ME3: variants seen among roughly 807,000 people sequenced by gnomAD.
ME3 encodes the protein NADP-dependent malic enzyme, mitochondrial.
A neutral mutation model predicts 68.9 loss-of-function variants in ME3; 48 were observed. The ratio of observed to expected loss-of-function variants is 0.70; its 90% CI spans 0.55 to 0.89. ME3 has a LOEUF of 0.89. ME3 is among the 40% of genes least tolerant of loss of function. The probability of loss-of-function intolerance (pLI) is 0.00; values close to 1 mark genes in which losing one functional copy is unlikely to be tolerated. For missense variants in ME3, 675 were observed against 797.4 expected, an observed-to-expected ratio of 0.85 and a Z score of 1.85; for synonymous variants, 320 against 318.8, an observed-to-expected ratio of 1.00 and a Z score of -0.04.
chr11:86,524,690 G>C (rs967310992), intron 4 of ME3, among the ~76,000 whole-genome samples: 1 of 152,154 alleles, frequency 6.6e-6, no homozygotes, highest in African/African-American at 2.4e-5. Context: ...ATGAAAGCTG[G>C]AATTTAATAA....
At chr11:86,464,987 A>G in intron 8 of ME3, 104 bp downstream of exon 8, 1 of 891,922 alleles carries the variant, frequency 1.1e-6, no homozygotes, top group Admixed American at 1.9e-5. Flanking sequence ...CTGGCAGCAA[A>G]CCAACTATGG....
intron 2 of ME3, among the ~76,000 whole-genome samples, chr11:86,618,968 C>T (rs1384741031): frequency 3.3e-5 from 5 of 152,164 alleles, no homozygotes; most frequent in East Asian, 1.9e-4. Flanking sequence ...CTTGGCCTCC[C>T]GAAGTGCTGG....
At chr11:86,582,907 AG>A (rs1958523722) in intron 2 of ME3, among the ~76,000 whole-genome samples, 3 of 151,832 alleles carry the variant, frequency 2.0e-5, no homozygotes, top group East Asian at 3.9e-4. Context: ...ATCCATGGTA[AG>A]GAAAAAAAAA....
intron 2 of ME3, among the ~76,000 whole-genome samples, chr11:86,602,636 C>T (rs995890575): frequency 2.0e-5 from 3 of 152,092 alleles, no homozygotes; most frequent in Non-Finnish European, 2.9e-5. Context: ...AAAAAGAGCC[C>T]GCATCAGTAA....
intron 2 of ME3, among the ~76,000 whole-genome samples, chr11:86,580,016 C>G (rs1351592992): frequency 1.3e-5 from 2 of 152,124 alleles, no homozygotes; most frequent in African/African-American, 4.8e-5. Flanking sequence ...TTTTCTTTGT[C>G]CCTTTCTGAG....
chr11:86,472,557 A>G (rs183326772), intron 7 of ME3, among the ~76,000 whole-genome samples: 32 of 152,294 alleles, frequency 2.1e-4, no homozygotes, highest in African/African-American at 7.2e-4. Context: ...TGGAGGAAAG[A>G]CAAAGTGTGG....
At chr11:86,573,138 C>T (rs956995145) in intron 2 of ME3, among the ~76,000 whole-genome samples, 1 of 152,070 alleles carries the variant, frequency 6.6e-6, no homozygotes, top group African/African-American at 2.4e-5. Flanking sequence ...TAGTTTTTCT[C>T]TTGTAATTTT....
At chr11:86,599,215 C>T (rs912390076) in intron 2 of ME3, among the ~76,000 whole-genome samples, 3 of 152,016 alleles carry the variant, frequency 2.0e-5, no homozygotes, top group African/African-American at 4.8e-5. Context: ...AAAATTTAGA[C>T]GAATGTATAA....
chr11:86,497,175 G>A (rs1157911355), intron 6 of ME3, among the ~76,000 whole-genome samples: 2 of 152,078 alleles, frequency 1.3e-5, no homozygotes, highest in African/African-American at 4.8e-5. Context: ...GTACAGATGG[G>A]ATTTCACCAT....
intron 7 of ME3, among the ~76,000 whole-genome samples, chr11:86,486,150 T>C (rs559933701): frequency 2.0e-5 from 3 of 152,326 alleles, no homozygotes; most frequent in Admixed American, 6.5e-5. Context: ...GTGGATGATT[T>C]TCTGTGCTCC....
intron 2 of ME3, among the ~76,000 whole-genome samples, chr11:86,627,255 G>A (rs1943721576): frequency 1.3e-5 from 2 of 152,202 alleles, no homozygotes; most frequent in Admixed American, 1.3e-4. Flanking sequence ...AAAATAGAGT[G>A]TGGCAAGGAT....
intron 2 of ME3, among the ~76,000 whole-genome samples, chr11:86,599,689 G>C (rs1485379835): frequency 1.3e-5 from 2 of 152,110 alleles, no homozygotes; most frequent in East Asian, 3.8e-4. Flanking sequence ...AAATGTTAAG[G>C]GCAGCCAGAG....
chr11:86,544,106 A>G (rs948719840), intron 4 of ME3, among the ~76,000 whole-genome samples: 5 of 152,188 alleles, frequency 3.3e-5, no homozygotes, highest in Non-Finnish European at 2.9e-5. Flanking sequence ...TTTGAAATCA[A>G]TGAGAACAAA....
chr11:86,642,192 A>T (rs962906351), intron 2 of ME3, among the ~76,000 whole-genome samples: 1 of 152,242 alleles, frequency 6.6e-6, no homozygotes, highest in African/African-American at 2.4e-5. Flanking sequence ...CATCTAGAAA[A>T]CATACTTTCT....
At chr11:86,599,979 A>C (rs902677131) in intron 2 of ME3, among the ~76,000 whole-genome samples, 5 of 152,250 alleles carry the variant, frequency 3.3e-5, no homozygotes, top group African/African-American at 1.2e-4. Flanking sequence ...AACTGGTACC[A>C]GCCACTGCAA....
intron 2 of ME3, among the ~76,000 whole-genome samples, chr11:86,607,467 T>C (rs1341333880): frequency 6.6e-6 from 1 of 151,024 alleles, no homozygotes; most frequent in East Asian, 1.9e-4. Context: ...TTTTTTTTTT[T>C]TTTTTTAAAC....
intron 2 of ME3, among the ~76,000 whole-genome samples, chr11:86,603,646 A>G (rs1174513349): frequency 2.6e-5 from 4 of 152,038 alleles, no homozygotes; most frequent in Non-Finnish European, 5.9e-5. Flanking sequence ...ACATGCATAC[A>G]TATGTTTATT....
At chr11:86,497,258 C>G (rs991091578) in intron 6 of ME3, among the ~76,000 whole-genome samples, 2 of 152,190 alleles carry the variant, frequency 1.3e-5, no homozygotes, top group African/African-American at 4.8e-5. Flanking sequence ...GTGCTGGGAA[C>G]ACAGGCGTGA....
At chr11:86,459,345 T>C (rs978215718) in intron 8 of ME3, among the ~76,000 whole-genome samples, 2 of 152,128 alleles carry the variant, frequency 1.3e-5, no homozygotes, top group Non-Finnish European at 2.9e-5. Context: ...CTCACCTCCA[T>C]CAAAATCTCT....
Sources: gnomAD v4.1 joint callset for allele counts (sites outside exome capture counted in the v4.1 genomes callset) on GRCh38, gnomAD v4.1.1 for gene constraint, MANE v1.5 for transcripts, NCBI Gene and HGNC (gene_info 2026-07-23, HGNC 2026-07-21) for gene names.